The following DSCAM variants were observed in gnomAD, a reference collection of about 807,000 sequenced individuals.
DSCAM encodes DS cell adhesion molecule.
A neutral mutation model predicts 217.7 loss-of-function variants in DSCAM; 47 were observed. The observed-to-expected ratio is 0.22, with a 90% CI of 0.17 to 0.28. The LOEUF is 0.28. DSCAM is among the 10% of genes least tolerant of loss of function. The pLI, the probability that DSCAM is intolerant of heterozygous loss-of-function variation, is 1.00. For missense variants in DSCAM, 2,080 were observed against 2,618.3 expected (o/e 0.79, Z 4.49); for synonymous variants, 1,056 against 1,015.3 (o/e 1.04, Z -0.76).
At chr21:40,511,794 A>G (rs1169495698) in intron 3 of DSCAM, among the ~76,000 whole-genome samples, 1 of 151,680 alleles carries the variant, frequency 6.6e-6, no homozygotes, top group Non-Finnish European at 1.5e-5. Context: ...GATCGAGACC[A>G]TTCTGGCTAA....
At chr21:40,216,035 C>T (rs987225869) in intron 11 of DSCAM, among the ~76,000 whole-genome samples, 1 of 151,768 alleles carries the variant, frequency 6.6e-6, no homozygotes, top group African/African-American at 2.4e-5. Context: ...ATTTCTTCTT[C>T]AGAATAAGTG....
intron 32 of DSCAM, among the ~76,000 whole-genome samples, chr21:40,013,961 T>C (rs540133471): frequency 2.8e-4 from 43 of 152,274 alleles, no homozygotes; most frequent in Non-Finnish European, 6.2e-4. Flanking sequence ...AACTTCTGCG[T>C]GGCTCTTCTG....
intron 14 of DSCAM, among the ~76,000 whole-genome samples, chr21:40,180,438 G>T (rs754103518): frequency 3.3e-5 from 5 of 152,142 alleles, no homozygotes; most frequent in Non-Finnish European, 7.3e-5. Context: ...GAAGATTAGA[G>T]GTGGAAAAAC....
At chr21:40,127,908 G>T (rs116943763) in intron 19 of DSCAM, among the ~76,000 whole-genome samples, 1 of 151,946 alleles carries the variant, frequency 6.6e-6, no homozygotes. Context: ...CTCCCACCCC[G>T]GGCCCTTGGG....
chr21:40,186,783 G>A (rs773276507), intron 14 of DSCAM, among the ~76,000 whole-genome samples: 1 of 152,192 alleles, frequency 6.6e-6, no homozygotes, highest in Non-Finnish European at 1.5e-5. Flanking sequence ...CTCGGGAAAC[G>A]GGAAGTGAAG....
At chr21:40,468,015 T>C (rs1215475950) in intron 3 of DSCAM, among the ~76,000 whole-genome samples, 2 of 150,680 alleles carry the variant, frequency 1.3e-5, no homozygotes, top group Non-Finnish European at 3.0e-5. Flanking sequence ...ATCTTTACCC[T>C]AAAATAGTTC....
At chr21:40,500,981 G>C (rs1157050171) in intron 3 of DSCAM, among the ~76,000 whole-genome samples, 2 of 152,194 alleles carry the variant, frequency 1.3e-5, no homozygotes, top group South Asian at 2.1e-4. Flanking sequence ...TTTTTAAAGA[G>C]AGCAAGCTCA....
intron 1 of DSCAM, among the ~76,000 whole-genome samples, chr21:40,774,670 G>T (rs948097750): frequency 1.6e-4 from 24 of 151,746 alleles, no homozygotes; most frequent in African/African-American, 5.3e-4. Context: ...TGTACAAATG[G>T]AACACATTAT....
chr21:40,155,566 T>C (rs1480923970), intron 16 of DSCAM, among the ~76,000 whole-genome samples: 2 of 151,856 alleles, frequency 1.3e-5, no homozygotes, highest in African/African-American at 4.8e-5. Flanking sequence ...GACTCCAATC[T>C]GATAAACAAG....
intron 8 of DSCAM, among the ~76,000 whole-genome samples, chr21:40,315,216 T>C (rs552213299): frequency 6.6e-6 from 1 of 151,396 alleles, no homozygotes; most frequent in Non-Finnish European, 1.5e-5. Flanking sequence ...CTGGCCAACA[T>C]GGAAAAACCT....
chr21:40,140,493 C>T lies in DSCAM; in HGVS notation c.3406+2065G>A, dbSNP rs1238092197. 3.9e-5 allele frequency among the ~76,000 whole-genome samples: 6 copies of T among 152,064 alleles called. No individual in the cohort carries two copies. The East Asian group carries it at 9.6e-4, about 24-fold the overall frequency. Reference sequence around the variant, plus strand: ...AATATGGGTGATGTGGATGAAGTCACCACTGGATTCTGAAATATTTCCAAT... The same window carrying T: ...AATATGGGTGATGTGGATGAAGTCATCACTGGATTCTGAAATATTTCCAAT... On this transcript the variant is annotated intron_variant, in intron 18 of 32. Transcript: ENST00000400454.
intron 11 of DSCAM, among the ~76,000 whole-genome samples, chr21:40,244,953 TAG>T (rs2073203261): frequency 6.6e-6 from 1 of 151,530 alleles, no homozygotes; most frequent in Non-Finnish European, 1.5e-5. Context: ...CTTGACTTCC[TAG>T]AGAGCTGAGC....
chr21:40,543,086 C>CA (rs1211157411), intron 3 of DSCAM, among the ~76,000 whole-genome samples: 1 of 151,986 alleles, frequency 6.6e-6, no homozygotes, highest in Non-Finnish European at 1.5e-5. Context: ...TGGCTCATTT[C>CA]AAAAAAGAAT....
intron 8 of DSCAM, among the ~76,000 whole-genome samples, chr21:40,321,561 C>T (rs550465353): frequency 5.3e-5 from 8 of 151,410 alleles, no homozygotes; most frequent in Admixed American, 4.6e-4. Flanking sequence ...TTTCCAAACA[C>T]AGTACTATCA....
intron 28 of DSCAM, among the ~76,000 whole-genome samples, chr21:40,059,115 A>C (rs915719429): frequency 2.0e-5 from 3 of 152,208 alleles, no homozygotes; most frequent in Non-Finnish European, 4.4e-5. Context: ...ACATTCCTTA[A>C]ATGTACAATG....
At chr21:40,064,135 T>C (rs1041677671) in intron 27 of DSCAM, among the ~76,000 whole-genome samples, 14 of 151,270 alleles carry the variant, frequency 9.3e-5, no homozygotes, top group Admixed American at 3.3e-4. Flanking sequence ...TATATATATG[T>C]GCTTATATAT....
rs1399200225 is a variant in DSCAM at position 40,103,664 on chromosome 21, G to A, written c.3697-9790C>T. 4.0e-5 allele frequency among the ~76,000 whole-genome samples: 6 copies of A among 151,710 alleles called. No individual in the cohort carries two copies. In the South Asian group the frequency reaches 8.3e-4, roughly 21 times the overall value. On this transcript the variant is annotated intron_variant, in intron 20 of 32. Transcript: ENST00000400454. ...GGTAGTTTCCTCTGCCTTTCACTGA[G>A]ATTACTGTAGATACCATTACATATA... is the stretch of plus-strand genomic sequence containing the variant.
At chr21:40,039,138 G>A (rs2088691578) in intron 32 of DSCAM, among the ~76,000 whole-genome samples, 1 of 151,770 alleles carries the variant, frequency 6.6e-6, no homozygotes, top group South Asian at 2.1e-4. Context: ...TGCACAATAT[G>A]CACATGTACC....
At chr21:40,768,310 G>T (rs898533706) in intron 1 of DSCAM, among the ~76,000 whole-genome samples, 17 of 151,854 alleles carry the variant, frequency 1.1e-4, no homozygotes, top group Admixed American at 9.8e-4. Flanking sequence ...ATTACCTTAC[G>T]GTGACACCCC....
Sources: allele counts gnomAD v4.1 joint callset (sites outside exome capture counted in the v4.1 genomes callset), GRCh38; gene constraint gnomAD v4.1.1; transcripts MANE v1.5; gene names NCBI Gene and HGNC (gene_info 2026-07-23, HGNC 2026-07-21).